The following RIMS2 variants were observed in gnomAD, a reference collection of about 807,000 sequenced individuals.
RIMS2 encodes regulating synaptic membrane exocytosis protein 2.
RIMS2 carries 59 observed loss-of-function variants against 174.4 expected under a neutral mutation model. The ratio of observed to expected loss-of-function variants is 0.34; its 90% confidence interval spans 0.27 to 0.42. RIMS2 has a LOEUF of 0.42. Ranked by LOEUF, RIMS2 falls within the 10% of genes least tolerant of loss-of-function variation. The pLI is 1.00. For synonymous variants in RIMS2, 606 were observed against 572.5 expected (o/e 1.06, Z -0.84); for missense variants, 1,620 against 1,666.3 (o/e 0.97, Z 0.48).
chr8:103,861,964 G>A (rs1041468606), intron 3 of RIMS2, among the ~76,000 whole-genome samples: 2 of 152,030 alleles, frequency 1.3e-5, no homozygotes, highest in Admixed American at 1.3e-4. Flanking sequence ...TTCTTTTGCT[G>A]TGCAGCAGCT....
At chr8:104,240,827 G>T (rs913467168) in intron 19 of RIMS2, among the ~76,000 whole-genome samples, 2 of 152,090 alleles carry the variant, frequency 1.3e-5, no homozygotes, top group Non-Finnish European at 2.9e-5. Flanking sequence ...TCTGTATCTG[G>T]TAATAATAAC....
intron 19 of RIMS2, among the ~76,000 whole-genome samples, chr8:104,056,444 G>C (rs1452439845): frequency 6.6e-6 from 1 of 151,890 alleles, no homozygotes; most frequent in African/African-American, 2.4e-5. Flanking sequence ...GAATTATAAA[G>C]AGTATCTGGT....
At chr8:103,851,642 TGTACACAC>T (rs1593792982) in intron 3 of RIMS2, among the ~76,000 whole-genome samples, 1 of 108,974 alleles carries the variant, frequency 9.2e-6, no homozygotes, top group East Asian at 2.3e-4. Flanking sequence ...AGGAATGCTA[TGTACACAC>T]ACACACACAC....
intron 3 of RIMS2, among the ~76,000 whole-genome samples, chr8:103,839,498 C>T (rs1388470521): frequency 6.6e-6 from 1 of 151,692 alleles, no homozygotes; most frequent in East Asian, 1.9e-4. Context: ...ATATGGTTTT[C>T]TTACTCTTAA....
chr8:103,770,868 T>C (rs181218013), intron 3 of RIMS2, among the ~76,000 whole-genome samples: 2 of 152,336 alleles, frequency 1.3e-5, no homozygotes, highest in East Asian at 3.9e-4. Flanking sequence ...GCTAGAAATA[T>C]AATTTCAGTT....
rs562914835 is a variant in RIMS2, at chr8:103,502,948, T to C, written c.176+1886T>C. Reference sequence around the variant, plus strand: ...TGAACAGTATGTTAGGAAGATGTTGTAAAAGGGTTTTTCAGGTAGCTACAT... The same window carrying C: ...TGAACAGTATGTTAGGAAGATGTTGCAAAAGGGTTTTTCAGGTAGCTACAT... On this transcript the variant is annotated intron_variant, in intron 1 of 23. Coordinates refer to ENST00000504942, the Ensembl canonical transcript of RIMS2. Among the ~76,000 whole-genome samples the C allele has an allele frequency of 1.2e-4, 19 of 152,108 alleles. No individual in the cohort carries two copies. The South Asian group carries it at 3.9e-3, about 31-fold the overall frequency.
chr8:104,026,852 G>A (rs1345271985), intron 19 of RIMS2, among the ~76,000 whole-genome samples: 1 of 152,010 alleles, frequency 6.6e-6, no homozygotes, highest in African/African-American at 2.4e-5. Flanking sequence ...TGCTACTAGG[G>A]CAGGGAGAAT....
At chr8:103,715,398 T>C (rs2138157758) in intron 2 of RIMS2, among the ~76,000 whole-genome samples, 1 of 152,256 alleles carries the variant, frequency 6.6e-6, no homozygotes, top group East Asian at 1.9e-4. Flanking sequence ...GTGTTCTGAT[T>C]GTTCAGCTCC....
intron 2 of RIMS2, among the ~76,000 whole-genome samples, chr8:103,721,811 TG>T (rs1372354336): frequency 1.3e-5 from 2 of 152,030 alleles, no homozygotes; most frequent in East Asian, 3.9e-4. Context: ...GCTCTTAAAG[TG>T]GGAGAAAATG....
At chr8:104,206,715 C>T (rs989701860) in intron 19 of RIMS2, among the ~76,000 whole-genome samples, 1 of 152,200 alleles carries the variant, frequency 6.6e-6, no homozygotes, top group Non-Finnish European at 1.5e-5. Context: ...TATACCCAAG[C>T]CTGTCTGATT....
intron 19 of RIMS2, among the ~76,000 whole-genome samples, chr8:104,119,383 C>T (rs546793337): frequency 1.3e-5 from 2 of 151,130 alleles, no homozygotes; most frequent in African/African-American, 2.4e-5. Context: ...ACAAAAAAAA[C>T]CCATAATTTA....
intron 3 of RIMS2, among the ~76,000 whole-genome samples, chr8:103,846,758 T>G (rs1209331863): frequency 6.6e-6 from 1 of 152,172 alleles, no homozygotes; most frequent in Non-Finnish European, 1.5e-5. Flanking sequence ...ACAATTTCTG[T>G]AAAAACTTGT....
chr8:104,110,864 C>T (rs955298127), intron 19 of RIMS2, among the ~76,000 whole-genome samples: 5 of 152,106 alleles, frequency 3.3e-5, no homozygotes, highest in African/African-American at 1.2e-4. Context: ...GTATTTAAAC[C>T]AGCATTTTCC....
At chr8:104,150,396 C>CT (rs2098679721) in intron 19 of RIMS2, among the ~76,000 whole-genome samples, 2 of 152,278 alleles carry the variant, frequency 1.3e-5, no homozygotes, top group Middle Eastern at 6.8e-3. Context: ...TGCTTACAGT[C>CT]TAATAGAGGA....
chr8:103,720,772 A>G (rs2097436179), intron 2 of RIMS2, among the ~76,000 whole-genome samples: 1 of 152,244 alleles, frequency 6.6e-6, no homozygotes, highest in South Asian at 2.1e-4. Context: ...CTAGAAGGCT[A>G]GAAGAGTTTT....
At chr8:104,049,977 A>C (rs2096759275) in intron 19 of RIMS2, among the ~76,000 whole-genome samples, 2 of 152,176 alleles carry the variant, frequency 1.3e-5, no homozygotes, top group Admixed American at 1.3e-4. Flanking sequence ...TCTAGATTTC[A>C]GGTGTTAGTA....
chr8:103,554,454 A>G (rs1179431339), intron 1 of RIMS2, among the ~76,000 whole-genome samples: 1 of 152,138 alleles, frequency 6.6e-6, no homozygotes, highest in Non-Finnish European at 1.5e-5. Context: ...TCATCTTACC[A>G]TTAGAGAAAT....
chr8:103,540,545 T>A (rs1842068513), intron 1 of RIMS2, among the ~76,000 whole-genome samples: 1 of 152,120 alleles, frequency 6.6e-6, no homozygotes, highest in South Asian at 2.1e-4. Flanking sequence ...GCTCATAAAG[T>A]CTTGAAGAGT....
chr8:104,015,142 C>T (rs1357523544), intron 19 of RIMS2, among the ~76,000 whole-genome samples: 1 of 152,160 alleles, frequency 6.6e-6, no homozygotes, highest in Non-Finnish European at 1.5e-5. Flanking sequence ...CTCACATGAA[C>T]ATACTTCCCA....
Sources: allele counts gnomAD v4.1 joint callset (sites outside exome capture counted in the v4.1 genomes callset), GRCh38; gene constraint gnomAD v4.1.1; transcripts MANE v1.5; gene names NCBI Gene and HGNC (gene_info 2026-07-23, HGNC 2026-07-21).